Variants in SCHIP1 observed in about 807,000 individuals in gnomAD.
SCHIP1 encodes schwannomin-interacting protein 1.
A neutral mutation model predicts 29.7 loss-of-function variants in SCHIP1; 8 were observed. That is an observed-to-expected ratio of 0.27 (90% confidence interval 0.16 to 0.49). The LOEUF is 0.49. SCHIP1 is among the 20% of genes least tolerant of loss of function. The pLI, the probability that SCHIP1 is intolerant of heterozygous loss-of-function variation, is 0.99. For synonymous variants in SCHIP1, 76 were observed against 94.9 expected (o/e 0.80, Z 1.16); for missense variants, 193 against 294.6 (o/e 0.66, Z 2.52).
chr3:159,612,555 T>C, the SCHIP1 span, among the ~76,000 whole-genome samples: 1 of 152,204 alleles, frequency 6.6e-6, no homozygotes, highest in Non-Finnish European at 1.5e-5. Flanking sequence ...AAGACCAGCA[T>C]GGCCAACATG....
chr3:159,333,409 C>G, the SCHIP1 span, among the ~76,000 whole-genome samples: 6 of 152,066 alleles, frequency 3.9e-5, no homozygotes, highest in Admixed American at 2.6e-4. Flanking sequence ...GATTATTATT[C>G]ACATTATTAT....
At chr3:159,507,472 T>G in the SCHIP1 span, among the ~76,000 whole-genome samples, 1 of 152,228 alleles carries the variant, frequency 6.6e-6, no homozygotes, top group Admixed American at 6.5e-5. Context: ...TTCTCCTGCC[T>G]GATTGCCCTG....
the SCHIP1 span, among the ~76,000 whole-genome samples, chr3:159,338,888 A>G: frequency 6.6e-6 from 1 of 152,164 alleles, no homozygotes; most frequent in Non-Finnish European, 1.5e-5. Flanking sequence ...ATTCTAAGTG[A>G]AAGAAGCTAT....
chr3:159,473,432 G>T, the SCHIP1 span, among the ~76,000 whole-genome samples: 1 of 151,980 alleles, frequency 6.6e-6, no homozygotes, highest in Non-Finnish European at 1.5e-5. Context: ...GTAGGAATAA[G>T]CTTAGAAAAA....
At chr3:159,731,719 A>C in the SCHIP1 span, among the ~76,000 whole-genome samples, 1 of 152,226 alleles carries the variant, frequency 6.6e-6, no homozygotes, top group Admixed American at 6.5e-5. Flanking sequence ...AGGAAGCCAA[A>C]CCTGAAATAG....
chr3:159,460,879 A>C, the SCHIP1 span, among the ~76,000 whole-genome samples: 2 of 152,192 alleles, frequency 1.3e-5, no homozygotes, highest in African/African-American at 2.4e-5. Flanking sequence ...GAAGTAGAGA[A>C]AAAAATCTGT....
At chr3:159,587,601 T>A in the SCHIP1 span, among the ~76,000 whole-genome samples, 1 of 152,192 alleles carries the variant, frequency 6.6e-6, no homozygotes, top group South Asian at 2.1e-4. Flanking sequence ...GTATATCTCC[T>A]AATGCTATCC....
chr3:159,457,822 A>T, the SCHIP1 span, among the ~76,000 whole-genome samples: 1 of 152,174 alleles, frequency 6.6e-6, no homozygotes, highest in African/African-American at 2.4e-5. Context: ...ACAATAAAAT[A>T]GAATAATTAT....
At chr3:159,383,078 G>A in the SCHIP1 span, among the ~76,000 whole-genome samples, 1 of 149,676 alleles carries the variant, frequency 6.7e-6, no homozygotes, top group African/African-American at 2.5e-5. Context: ...TCTGACGGTA[G>A]CTTCTTTTGC....
At chr3:159,370,800 C>T in the SCHIP1 span, among the ~76,000 whole-genome samples, 1 of 152,080 alleles carries the variant, frequency 6.6e-6, no homozygotes, top group African/African-American at 2.4e-5. Flanking sequence ...ACATCAGTGC[C>T]CTATCTTGTC....
At chr3:159,669,369 T>G in the SCHIP1 span, among the ~76,000 whole-genome samples, 1 of 152,248 alleles carries the variant, frequency 6.6e-6, no homozygotes, top group African/African-American at 2.4e-5. Flanking sequence ...TCGTCATCAC[T>G]TATGAAGTAT....
chr3:159,675,480 T>C, the SCHIP1 span, among the ~76,000 whole-genome samples: 1 of 152,204 alleles, frequency 6.6e-6, no homozygotes, highest in African/African-American at 2.4e-5. Flanking sequence ...ACTCTAAAAA[T>C]AGTCACCTTA....
intron 2 of SCHIP1, among the ~76,000 whole-genome samples, chr3:159,869,106 A>G (rs1321649002): frequency 6.6e-6 from 1 of 152,034 alleles, no homozygotes; most frequent in Admixed American, 6.6e-5. Flanking sequence ...TGCTTTTCTC[A>G]TCAACTTATC....
chr3:159,626,905 T>C, the SCHIP1 span, among the ~76,000 whole-genome samples: 8 of 152,338 alleles, frequency 5.3e-5, no homozygotes, highest in East Asian at 7.7e-4. Flanking sequence ...GGGATACAAG[T>C]GCAGAATGTG....
chr3:159,312,196 C>A, the SCHIP1 span, among the ~76,000 whole-genome samples: 1 of 151,988 alleles, frequency 6.6e-6, no homozygotes, highest in Non-Finnish European at 1.5e-5. Context: ...ATAAGGAATC[C>A]CGTATTAGCT....
the SCHIP1 span, among the ~76,000 whole-genome samples, chr3:159,571,071 T>C: frequency 6.6e-6 from 1 of 152,186 alleles, no homozygotes; most frequent in African/African-American, 2.4e-5. Flanking sequence ...AAATATACAA[T>C]CATGTCATCT....
chr3:159,524,972 T>C, the SCHIP1 span, among the ~76,000 whole-genome samples: 10 of 152,200 alleles, frequency 6.6e-5, no homozygotes, highest in Non-Finnish European at 1.0e-4. Context: ...CATGGCCTCC[T>C]GGCTGGTCTC....
the SCHIP1 span, among the ~76,000 whole-genome samples, chr3:159,385,832 C>T: frequency 2.1e-4 from 32 of 152,148 alleles, no homozygotes; most frequent in Non-Finnish European, 3.4e-4. Flanking sequence ...TCTCCTAATG[C>T]TATCCCTCCC....
chr3:159,470,482 T>C, the SCHIP1 span, among the ~76,000 whole-genome samples: 1 of 152,152 alleles, frequency 6.6e-6, no homozygotes, highest in African/African-American at 2.4e-5. Flanking sequence ...TTTAAAAAGA[T>C]TTTGTTCACA....
Sources: gnomAD v4.1 joint callset for allele counts (sites outside exome capture counted in the v4.1 genomes callset) on GRCh38, gnomAD v4.1.1 for gene constraint, MANE v1.5 for transcripts, NCBI Gene and HGNC (gene_info 2026-07-23, HGNC 2026-07-21) for gene names.